DDX27: variants seen among roughly 807,000 people sequenced by gnomAD.
DDX27 encodes the protein probable ATP-dependent RNA helicase DDX27.
In DDX27, 42 loss-of-function variants were observed where a neutral mutation model predicts 99.3. That is an observed-to-expected ratio of 0.42 (90% CI 0.33 to 0.55). The LOEUF (loss-of-function observed/expected upper bound fraction) is 0.55, where lower values mean the gene tolerates loss of function less well. DDX27 is among the 20% of genes least tolerant of loss of function. The pLI, the probability that DDX27 is intolerant of heterozygous loss-of-function variation, is 0.07. For missense variants in DDX27, 798 were observed against 976.8 expected (o/e 0.82, Z 2.44); for synonymous variants, 329 against 353.8 (o/e 0.93, Z 0.79).
chr20:49,225,876 C>G (rs575895537), intron 6 of DDX27, among the ~76,000 whole-genome samples: 5 of 152,260 alleles, frequency 3.3e-5, no homozygotes. Flanking sequence ...CAAGGCTCTG[C>G]CCCTTCTGGC....
rs202065621 is a variant in DDX27, at chr20:49,242,051, G to A, written c.1993-32G>A. On this transcript the variant is annotated intron_variant, in intron 17 of 20. Coordinates refer to ENST00000618172, the MANE Select transcript of DDX27 (RefSeq NM_017895.8). ...GGGGTGGGTCAGAGTGGCCTGGTGTGTTCCACACTCACACCTCCCCACTCC... is the reference window on the plus strand; with the variant it reads ...GGGGTGGGTCAGAGTGGCCTGGTGTATTCCACACTCACACCTCCCCACTCC... 2.2e-5 allele frequency: 36 copies of A among 1,614,170 alleles called. 1 individual carries two copies. Among genetic ancestry groups the A allele is most frequent in the African/African-American group, 4.0e-5 (3 of 75,052 alleles).
chr20:49,236,089 T>C lies in DDX27; in HGVS notation c.1428-61T>C. On this transcript the variant is annotated intron_variant, in intron 12 of 20. Transcript: ENST00000618172. This position sits in a 1 kb window ranked among gnomAD's most constrained non-coding sequence, Gnocchi z 4.1. ...TGTTCTGTCCTCTGCTGGCTCAGGC[T>C]CTTGTGGAGCATTATTAGGGGAGGG... 6.7e-7 allele frequency: 1 copy of C among 1,503,078 alleles called. No homozygotes were observed. 93.1% of individuals were successfully genotyped at this position (1,503,078 alleles called of 1,614,324 possible).
At chr20:49,224,189 T>C (rs1286814475) in intron 4 of DDX27, among the ~76,000 whole-genome samples, 1 of 152,038 alleles carries the variant, frequency 6.6e-6, no homozygotes, top group African/African-American at 2.4e-5. Context: ...TCCTTTCTTT[T>C]AGGTTTTCTT....
intron 8 of DDX27, 79 bp downstream of exon 8, chr20:49,228,967 G>C: frequency 7.3e-7 from 1 of 1,375,566 alleles, no homozygotes; most frequent in African/African-American, 1.5e-5. Context: ...CCATCTGTTG[G>C]TGTTGGTGAC....
rs1179397777 is a variant in DDX27, at chr20:49,226,425, C to T, written c.601-5C>T. On this transcript the variant is annotated splice_polypyrimidine_tract_variant and splice_region_variant and intron_variant, in intron 6 of 20. Transcript: ENST00000618172. The stretch of plus-strand genomic sequence containing the variant: ...CCCTGTCTGACCCAGTTCTTTTTTC[C>T]TCAGGCCATTACAGCCATGGGCTTC... 3 of 1,611,718 alleles carry T rather than the reference C, an allele frequency of 1.9e-6. No individual in the cohort carries two copies. Among genetic ancestry groups the T allele is most frequent in the Non-Finnish European group, 2.5e-6 (3 of 1,178,902 alleles).
At chr20:49,227,576 A>T (rs891795190) in intron 7 of DDX27, among the ~76,000 whole-genome samples, 1 of 152,068 alleles carries the variant, frequency 6.6e-6, no homozygotes, top group African/African-American at 2.4e-5. Flanking sequence ...CATGTTGGCC[A>T]GGCTGGTCTC....
intron 4 of DDX27, among the ~76,000 whole-genome samples, chr20:49,224,354 A>C (rs1229358049): frequency 1.7e-5 from 2 of 118,112 alleles, no homozygotes; most frequent in Non-Finnish European, 3.5e-5. Context: ...CTCAATAAGT[A>C]TTTCTTTCTT....
Position 49,239,133 on chromosome 20 carries a change from CT to C in DDX27, c.1794+79del, listed in dbSNP as rs905157944. The stretch of plus-strand genomic sequence containing the variant: ...CTGCATCCCTGCTGGTGCTGCCCTT[CT>C]GAAATGTTTCTCCCATCAGAGCCCC... On this transcript the variant is annotated intron_variant, in intron 15 of 20. Transcript: ENST00000618172. 5 of 1,524,592 alleles carry C rather than the reference CT, an allele frequency of 3.3e-6. No individual in the cohort carries two copies. In the African/African-American group the frequency reaches 6.8e-5, roughly 21 times the overall value. The allele number at this position is 1,524,592 out of a possible 1,614,324, so 94.4% of individuals were successfully genotyped here. A position where few individuals can be genotyped will look rare whatever the true frequency, so the allele number is the denominator to read the frequency against.
At chr20:49,224,248 C>G (rs1223913709) in intron 4 of DDX27, among the ~76,000 whole-genome samples, 9 of 152,082 alleles carry the variant, frequency 5.9e-5, no homozygotes, top group Admixed American at 5.9e-4. Context: ...GTAGTTTACT[C>G]TTTTCCCATC....
At chr20:49,227,076 A>C (rs1475338153) in intron 7 of DDX27, among the ~76,000 whole-genome samples, 1 of 144,976 alleles carries the variant, frequency 6.9e-6, no homozygotes, top group East Asian at 2.1e-4. Context: ...TTTAGCCGGG[A>C]TGGTCTTGAT....
chr20:49,228,041 A>G (rs923224483), intron 7 of DDX27, among the ~76,000 whole-genome samples: 1 of 151,132 alleles, frequency 6.6e-6, no homozygotes, highest in African/African-American at 2.4e-5. Flanking sequence ...GGGTTTTACT[A>G]TCTTGGCCAG....
At chr20:49,227,997 T>C (rs1979962288) in intron 7 of DDX27, among the ~76,000 whole-genome samples, 2 of 151,230 alleles carry the variant, frequency 1.3e-5, no homozygotes, top group African/African-American at 4.9e-5. Context: ...CACGCCACCA[T>C]GCCCGGCTAA....
intron 6 of DDX27, among the ~76,000 whole-genome samples, chr20:49,225,578 C>T (rs1979856577): frequency 1.3e-5 from 2 of 151,624 alleles, no homozygotes; most frequent in Admixed American, 1.3e-4. Context: ...GCCTCAGCCT[C>T]CCCAGCAGCT....
At chr20:49,229,817 T>C (rs961290924) in intron 8 of DDX27, among the ~76,000 whole-genome samples, 32 of 152,178 alleles carry the variant, frequency 2.1e-4, no homozygotes, top group Admixed American at 1.8e-3. Context: ...AGCTAATTTA[T>C]GTATTTTTAA....
In DDX27 at chr20:49,233,366, C is replaced by T; in HGVS notation, c.1092C>T (p.His364=). Residue 364 remains histidine (H), a synonymous_variant, in exon 10 of 21, where the codon CAC becomes CAT. Coordinates refer to ENST00000618172, the MANE Select transcript of DDX27 (RefSeq NM_017895.8). ...MKEIIRMCSH[H]RQTMLFSATM... ...AGATCATCCGAATGTGTTCCCACCA[C>T]CGCCAGACCATGCTCTTCTCGGCCA... 2 of 1,614,116 alleles carry T rather than the reference C, an allele frequency of 1.2e-6. No individual in the cohort carries two copies. The highest frequency in any genetic ancestry group is 2.2e-5 in the East Asian group (1 of 44,874).
chr20:49,242,077 C>T lies in DDX27; in HGVS notation c.1993-6C>T. ...TTCCACACTCACACCTCCCCACTCCCCCTAGGCAGAGGAAAGGTCTCAGTT... is the reference window on the plus strand; with the variant it reads ...TTCCACACTCACACCTCCCCACTCCTCCTAGGCAGAGGAAAGGTCTCAGTT... On this transcript the variant is annotated splice_polypyrimidine_tract_variant and splice_region_variant and intron_variant, in intron 17 of 20. Coordinates refer to ENST00000618172, the MANE Select transcript of DDX27 (RefSeq NM_017895.8). The T allele has an allele frequency of 6.2e-7, 1 of 1,614,208 alleles. No homozygotes were observed. The highest frequency in any genetic ancestry group is 2.2e-5 in the East Asian group (1 of 44,880).
intron 2 of DDX27, among the ~76,000 whole-genome samples, chr20:49,222,334 G>C (rs1342106763): frequency 6.6e-6 from 1 of 150,966 alleles, no homozygotes; most frequent in African/African-American, 2.4e-5. Context: ...TTTTGAGATG[G>C]AGTCTCACTC....
Position 49,238,943 on chromosome 20 carries a change from A to C in DDX27, c.1688-6A>C. ...TTGTAAATCCTTTTTATTTTCTCCC[A>C]TTGAGATGTCATCCTCAAATTCCGG... is the stretch of plus-strand genomic sequence containing the variant. On this transcript the variant is annotated splice_region_variant and splice_polypyrimidine_tract_variant and intron_variant, in intron 14 of 20. Transcript: ENST00000618172. 6.2e-6 allele frequency: 10 copies of C among 1,605,290 alleles called. No homozygotes were observed. Among genetic ancestry groups the C allele is most frequent in the Non-Finnish European group, 8.5e-6 (10 of 1,172,174 alleles).
In DDX27 at chr20:49,226,418, T is replaced by A; in HGVS notation, c.601-12T>A. 6.2e-7 allele frequency: 1 copy of A among 1,611,104 alleles called. No individual in the cohort carries two copies. The highest frequency in any genetic ancestry group is 8.5e-7 in the Non-Finnish European group (1 of 1,178,118). ...CGCTCAACCCTGTCTGACCCAGTTC[T>A]TTTTTCCTCAGGCCATTACAGCCAT... On this transcript the variant is annotated splice_polypyrimidine_tract_variant and intron_variant, in intron 6 of 20. Coordinates refer to ENST00000618172, the MANE Select transcript of DDX27 (RefSeq NM_017895.8).
Sources: gnomAD v4.1 joint callset for allele counts (sites outside exome capture counted in the v4.1 genomes callset) on GRCh38, gnomAD v4.1.1 for gene constraint, Gnocchi (gnomAD v3.1) non-coding constraint, MANE v1.5 for transcripts, NCBI Gene and HGNC (gene_info 2026-07-23, HGNC 2026-07-21) for gene names.